PDLIM7: variants seen among roughly 807,000 people sequenced by gnomAD.
PDLIM7 encodes the protein PDZ and LIM domain protein 7.
A neutral mutation model predicts 53.9 loss-of-function variants in PDLIM7; 37 were observed. The observed-to-expected ratio is 0.69, with a 90% confidence interval of 0.53 to 0.90. PDLIM7 has a LOEUF of 0.90. PDLIM7 is among the 40% of genes least tolerant of loss of function. PDLIM7 has a pLI of 0.00. For synonymous variants in PDLIM7, 300 were observed against 261.3 expected (o/e 1.15, Z -1.43); for missense variants, 617 against 638.5 (o/e 0.97, Z 0.36).
At chr5:177,490,584 A>G in intron 7 of PDLIM7, 1 of 1,553,952 alleles carries the variant, frequency 6.4e-7, no homozygotes, top group Non-Finnish European at 8.7e-7. Flanking sequence ...GCTCCAGGAC[A>G]TACTTTTCCC....
At chr5:177,492,377 C>T (rs751687174) in intron 4 of PDLIM7, 28 bp downstream of exon 4, 10 of 1,611,324 alleles carry the variant, frequency 6.2e-6, no homozygotes, top group Admixed American at 1.7e-5. Context: ...CACCGCCCAC[C>T]GCCCGGATGT....
At chr5:177,491,754 G>T in intron 5 of PDLIM7, 53 bp downstream of exon 5, 1 of 888,212 alleles carries the variant, frequency 1.1e-6, no homozygotes, top group Non-Finnish European at 1.5e-6. Flanking sequence ...CAGCGGGCGT[G>T]GGGCCACAGT....
intron 10 of PDLIM7, among the ~76,000 whole-genome samples, chr5:177,486,682 A>G (rs927815759): frequency 6.6e-6 from 1 of 152,068 alleles, no homozygotes; most frequent in Non-Finnish European, 1.5e-5. Context: ...TCTGTCGCCC[A>G]GGCTGGAGTG....
At chr5:177,486,303 C>A (rs1758435493) in intron 10 of PDLIM7, among the ~76,000 whole-genome samples, 1 of 152,180 alleles carries the variant, frequency 6.6e-6, no homozygotes, top group Middle Eastern at 3.2e-3. Flanking sequence ...GTGTGGGGGA[C>A]ATGTAGCCTT....
At position 177,486,085 on chromosome 5, in the gene PDLIM7, A is replaced by AT. The variant is rs963395551; in HGVS notation, c.1051-1896dup. 3.8e-3 allele frequency among the ~76,000 whole-genome samples: 549 copies of AT among 145,356 alleles called. 6 individuals carry two copies. The highest frequency in any genetic ancestry group is 9.3e-3 in the African/African-American group (372 of 39,932). On this transcript the variant is annotated intron_variant, in intron 10 of 12. Coordinates refer to ENST00000355841, the MANE Select transcript of PDLIM7 (RefSeq NM_005451.5). ...GCCACCACACTTGGCTAATTTTCTA[A>AT]TTTTTTTTTTTTTGTAGAAACAGGG...
intron 2 of PDLIM7, 82 bp downstream of exon 2, chr5:177,496,335 G>C (rs973406866): frequency 1.8e-6 from 2 of 1,081,522 alleles, no homozygotes; most frequent in African/African-American, 3.2e-5. Flanking sequence ...ACCAGCTCCT[G>C]TTAGGACTCC....
At chr5:177,491,479 G>A (rs1288147881) in intron 5 of PDLIM7, 8 of 1,380,674 alleles carry the variant, frequency 5.8e-6, no homozygotes, top group East Asian at 2.5e-5. Flanking sequence ...ACACAGGAGA[G>A]GAAGAAAGAC....
chr5:177,495,959 G>A (rs890243811), intron 2 of PDLIM7, among the ~76,000 whole-genome samples: 1 of 152,134 alleles, frequency 6.6e-6, no homozygotes, highest in Middle Eastern at 3.4e-3. Context: ...CGATGAGCGA[G>A]CCCCGCCACC....
rs529612002 is a variant in PDLIM7 at position 177,493,179 on chromosome 5, C to T, written c.97-502G>A. Reference sequence around the variant, plus strand: ...CCGGGGGCTCTTATGGACCTCTCACCCCCCAGCACCCTGTCGGGGGCCATC... The same window carrying T: ...CCGGGGGCTCTTATGGACCTCTCACTCCCCAGCACCCTGTCGGGGGCCATC... On this transcript the variant is annotated intron_variant, in intron 2 of 12. Transcript: ENST00000355841. Among the ~76,000 whole-genome samples, 10 of 152,304 alleles carry T rather than the reference C, an allele frequency of 6.6e-5. No homozygotes were observed. In the East Asian group the frequency reaches 1.9e-3, roughly 29 times the overall value.
chr5:177,492,054 A>AT, intron 4 of PDLIM7, 129 bp from the exon 5 acceptor site: 1 of 360,052 alleles, frequency 2.8e-6, no homozygotes, highest in Non-Finnish European at 4.7e-6. Flanking sequence ...CCCTACATCT[A>AT]TTTGGAGGCT....
At chr5:177,488,864 T>G (rs1581755664) in intron 9 of PDLIM7, among the ~76,000 whole-genome samples, 3 of 145,990 alleles carry the variant, frequency 2.1e-5, no homozygotes, top group African/African-American at 2.6e-5. Context: ...CACGCCAACG[T>G]GGGCAACACA....
chr5:177,490,951 A>G (rs1413150113), intron 6 of PDLIM7, 45 bp from the exon 7 acceptor site: 3 of 1,613,950 alleles, frequency 1.9e-6, no homozygotes, highest in Non-Finnish European at 1.7e-6. Flanking sequence ...ACACAGGGTC[A>G]GGGATCACGC....
At chr5:177,490,758 G>T in intron 7 of PDLIM7, 112 bp downstream of exon 7, 2 of 919,808 alleles carry the variant, frequency 2.2e-6, no homozygotes, top group Non-Finnish European at 3.4e-6. Context: ...AGGAAGGAAG[G>T]AAGGAAGGGA....
intron 10 of PDLIM7, among the ~76,000 whole-genome samples, chr5:177,485,515 C>T (rs555200419): frequency 2.0e-5 from 3 of 152,222 alleles, no homozygotes; most frequent in Non-Finnish European, 2.9e-5. Context: ...AAGCTAATCC[C>T]AGCCTTGTGA....
At chr5:177,485,614 G>A (rs1360912428) in intron 10 of PDLIM7, among the ~76,000 whole-genome samples, 2 of 152,232 alleles carry the variant, frequency 1.3e-5, no homozygotes, top group African/African-American at 4.8e-5. Context: ...TCACACGGAG[G>A]AGGACCTCTT....
chr5:177,490,700 A>G, intron 7 of PDLIM7, 170 bp downstream of exon 7: 1 of 917,916 alleles, frequency 1.1e-6, no homozygotes, highest in South Asian at 1.5e-5. Context: ...GAAAGAAGGA[A>G]GGAAGGAGGA....
chr5:177,488,294 G>A, intron 9 of PDLIM7, 46 bp from the exon 10 acceptor site: 4 of 1,517,144 alleles, frequency 2.6e-6, no homozygotes, highest in Non-Finnish European at 3.5e-6. Context: ...GCAGAGAGGT[G>A]GGGGTCTTGG....
intron 3 of PDLIM7, 25 bp downstream of exon 3, chr5:177,492,501 C>A: frequency 2.5e-6 from 4 of 1,613,736 alleles, no homozygotes; most frequent in Non-Finnish European, 3.4e-6. Flanking sequence ...AGCGCGGGCG[C>A]ACCCATCCAT....
At chr5:177,491,526 T>C in intron 5 of PDLIM7, 2 of 926,586 alleles carry the variant, frequency 2.2e-6, no homozygotes, top group Non-Finnish European at 3.5e-6. Context: ...AAGGCGGCAC[T>C]GAGTGTCTGG....
Sources: allele counts gnomAD v4.1 joint callset (sites outside exome capture counted in the v4.1 genomes callset), GRCh38; gene constraint gnomAD v4.1.1; transcripts MANE v1.5; gene names NCBI Gene and HGNC (gene_info 2026-07-23, HGNC 2026-07-21).